The following ZBED6 variants were observed in gnomAD, a reference collection of about 807,000 sequenced individuals.
The protein encoded by ZBED6 is zinc finger BED-type containing 6, also known as zinc finger BED domain-containing protein 6.
Under a neutral mutation model 58.4 loss-of-function variants are expected in ZBED6, and 40 were observed. That is an observed-to-expected ratio of 0.68 (90% CI 0.53 to 0.89). ZBED6 has a LOEUF of 0.89. ZBED6 is among the 40% of genes least tolerant of loss of function. The pLI is 0.00. For synonymous variants in ZBED6, 439 were observed against 350.6 expected (o/e 1.25, Z -2.82); for missense variants, 1,057 against 1,003.9 (o/e 1.05, Z -0.71).
At chr1:203,843,865 C>CT (rs1007632278) in intron 11 of ZBED6, among the ~76,000 whole-genome samples, 30 of 150,602 alleles carry the variant, frequency 2.0e-4, no homozygotes, top group East Asian at 1.2e-3. Flanking sequence ...GGGATTTCTT[C>CT]TTTTTTTTTG....
intron 8 of ZBED6, among the ~76,000 whole-genome samples, chr1:203,833,014 G>A (rs1013478138): frequency 2.6e-5 from 4 of 151,324 alleles, no homozygotes; most frequent in Non-Finnish European, 5.9e-5. Context: ...CGGGCGGATC[G>A]CTTGAGGCCA....
At chr1:203,838,056 CAAAG>C in exon 10 of ZBED6, 1 of 1,614,024 alleles carries the variant, frequency 6.2e-7, no homozygotes, top group Non-Finnish European at 8.5e-7. Flanking sequence ...GACAAAACAC[CAAAG>C]AAAGGTACCT....
In ZBED6 at chr1:203,823,287, G is replaced by GT. The variant is rs1212940136; in HGVS notation, c.*2873+4605dup. Among the ~76,000 whole-genome samples the GT allele has an allele frequency of 2.6e-5, 4 of 152,012 alleles. No individual in the cohort carries two copies. In the East Asian group the frequency reaches 7.7e-4, roughly 29 times the overall value. On this transcript the variant is annotated intron_variant, in intron 3 of 16. Coordinates refer to ENST00000550078, the Ensembl canonical transcript of ZBED6. ...GGAATCTGGAAGAATCCGTGTGCCT[G>GT]TTTTTTTATGCCCACTCCCTTTAGG...
chr1:203,843,304 T>C (rs1686986656), intron 11 of ZBED6, among the ~76,000 whole-genome samples: 1 of 152,248 alleles, frequency 6.6e-6, no homozygotes, highest in South Asian at 2.1e-4. Context: ...CCCTTGAATC[T>C]AAAGATTTGT....
intron 3 of ZBED6, among the ~76,000 whole-genome samples, chr1:203,822,364 C>T (rs1679065241): frequency 6.6e-6 from 1 of 152,006 alleles, no homozygotes; most frequent in African/African-American, 2.4e-5. Context: ...TGCTAAGCCT[C>T]CCTGCTTGCT....
chr1:203,831,719 A>C, exon 8 of ZBED6: 1 of 1,613,266 alleles, frequency 6.2e-7, no homozygotes, highest in Non-Finnish European at 8.5e-7. Flanking sequence ...CAGGTCCTGA[A>C]AAAGAAAATG....
At chr1:203,800,589 G>A in exon 1 of ZBED6, 1 of 790,596 alleles carries the variant, frequency 1.3e-6, no homozygotes, top group Non-Finnish European at 1.8e-6. Flanking sequence ...CACAAGGGCT[G>A]AAAATTCCTC....
chr1:203,825,137 A>G (rs932359701), intron 3 of ZBED6, among the ~76,000 whole-genome samples: 1 of 151,926 alleles, frequency 6.6e-6, no homozygotes, highest in African/African-American at 2.4e-5. Flanking sequence ...TGTGAGTTAC[A>G]GTGCTATTTG....
chr1:203,851,067 C>G (rs267598317), exon 16 of ZBED6: 14 of 1,613,970 alleles, frequency 8.7e-6, no homozygotes, highest in Non-Finnish European at 1.2e-5. Context: ...GCTGTTGTCC[C>G]GCTTGTCTCT....
chr1:203,830,246 G>C, intron 7 of ZBED6, 43 bp downstream of exon 7: 1 of 1,462,080 alleles, frequency 6.8e-7, no homozygotes, highest in South Asian at 1.2e-5. Context: ...ATGTTGCTAG[G>C]GAAGAATACT....
intron 11 of ZBED6, 59 bp from the exon 12 acceptor site, chr1:203,847,125 A>T (rs1024441852): frequency 6.3e-7 from 1 of 1,576,124 alleles, no homozygotes; most frequent in East Asian, 2.2e-5. Flanking sequence ...TAGAGAGATC[A>T]TAAGTCAGTA....
chr1:203,846,004 T>A (rs1378175837), intron 11 of ZBED6, among the ~76,000 whole-genome samples: 3 of 150,504 alleles, frequency 2.0e-5, no homozygotes, highest in African/African-American at 7.4e-5. Flanking sequence ...AGACTGGGTA[T>A]GGTGGCTCAC....
intron 1 of ZBED6, among the ~76,000 whole-genome samples, chr1:203,805,200 TC>T (rs1671895497): frequency 6.6e-6 from 1 of 150,960 alleles, no homozygotes; most frequent in African/African-American, 2.4e-5. Flanking sequence ...TGTGGGGTGA[TC>T]TTGGCTCACT....
chr1:203,852,303 G>A, exon 17 of ZBED6: 2 of 1,613,728 alleles, frequency 1.2e-6, no homozygotes, highest in Non-Finnish European at 1.7e-6. Context: ...TAATATGGGA[G>A]ATTTCAGGAG....
chr1:203,845,598 C>T (rs145158353), intron 11 of ZBED6, among the ~76,000 whole-genome samples: 1,645 of 152,348 alleles, frequency 0.011, 37 homozygotes, highest in African/African-American at 0.038. Flanking sequence ...GGCGTGGTGG[C>T]TCACGCCTGT....
chr1:203,825,817 A>G (rs991592457), intron 3 of ZBED6, among the ~76,000 whole-genome samples: 2 of 151,962 alleles, frequency 1.3e-5, no homozygotes, highest in African/African-American at 2.4e-5. Context: ...TTTTTTTTAC[A>G]AGTAAAAACT....
At chr1:203,833,977 A>G in intron 9 of ZBED6, 124 bp downstream of exon 9, 1 of 1,394,776 alleles carries the variant, frequency 7.2e-7, no homozygotes, top group Non-Finnish European at 9.3e-7. Context: ...GAAAGCACTT[A>G]TAAATTCCTC....
chr1:203,845,474 T>C (rs1018317359), intron 11 of ZBED6, among the ~76,000 whole-genome samples: 16 of 152,202 alleles, frequency 1.1e-4, no homozygotes, highest in African/African-American at 3.9e-4. Context: ...ATGAAGTCTT[T>C]AGTGTGGTTG....
At chr1:203,796,464 G>A (rs1264242922) in exon 1 of ZBED6, 2 of 399,022 alleles carry the variant, frequency 5.0e-6, no homozygotes, top group Non-Finnish European at 8.8e-6. Context: ...TGGTGAAACC[G>A]TAATGAAGAA....
Sources: allele counts gnomAD v4.1 joint callset (sites outside exome capture counted in the v4.1 genomes callset), GRCh38; gene constraint gnomAD v4.1.1; transcripts MANE v1.5; gene names NCBI Gene and HGNC (gene_info 2026-07-23, HGNC 2026-07-21).